The following RADIL variants were observed in gnomAD, a reference collection of about 807,000 sequenced individuals.
RADIL encodes ras-associating and dilute domain-containing protein.
Under a neutral mutation model 97.6 loss-of-function variants are expected in RADIL, and 99 were observed. That is an observed-to-expected ratio of 1.01 (90% CI 0.86 to 1.20). The LOEUF is 1.20. RADIL is among the 50% of genes most tolerant of loss of function. RADIL has a pLI of 0.00. For synonymous variants in RADIL, 803 were observed against 691.8 expected (o/e 1.16, Z -2.52); for missense variants, 1,765 against 1,498.9 (o/e 1.18, Z -2.93).
intron 2 of RADIL, chr7:4,860,706 A>T: frequency 6.2e-7 from 1 of 1,614,184 alleles, no homozygotes; most frequent in East Asian, 2.2e-5. Context: ...TACTTTTGAA[A>T]GAAGCTTGGA....
rs911850815 is a variant in RADIL at position 4,821,642 on chromosome 7, G to T, written c.1615+752C>A. The stretch of plus-strand genomic sequence containing the variant: ...CACTTTGGGAGGCTGAGGTGGGGCG[G>T]ATCAGGAGTTTGAGACCAGCCTGGC... On this transcript the variant is annotated intron_variant, in intron 6 of 14. Coordinates refer to ENST00000399583, the MANE Select transcript of RADIL (RefSeq NM_018059.5). This position sits in a 1 kb window ranked among gnomAD's most constrained non-coding sequence, Gnocchi z 5.2. Among the ~76,000 whole-genome samples the T allele has an allele frequency of 9.2e-5, 14 of 152,116 alleles. No individual in the cohort carries two copies. The highest frequency in any genetic ancestry group is 1.6e-4 in the Non-Finnish European group (11 of 68,028).
rs573141982 is a variant in RADIL, at chr7:4,879,706, G to A, written c.-64-1503C>T. Among the ~76,000 whole-genome samples, 2 of 152,274 alleles carry A rather than the reference G, an allele frequency of 1.3e-5. No individual in the cohort carries two copies. The highest frequency in any genetic ancestry group is 1.3e-4 in the Admixed American group (2 of 15,286). The stretch of plus-strand genomic sequence containing the variant: ...CGGTGGCTGCCTAGGGCCACAGAAA[G>A]CAACCAGGGAACCCCTCCAAAGAAA... On this transcript the variant is annotated intron_variant, in intron 1 of 14. Coordinates refer to ENST00000399583, the MANE Select transcript of RADIL (RefSeq NM_018059.5). The surrounding 1 kb of genome is among the most constrained non-coding windows in gnomAD (Gnocchi z 4.1).
chr7:4,825,971 G>A (rs144264747), intron 5 of RADIL, among the ~76,000 whole-genome samples: 5 of 151,714 alleles, frequency 3.3e-5, no homozygotes, highest in East Asian at 3.9e-4. Context: ...GGCCAGGTGC[G>A]GTAGCTCACA....
intron 9 of RADIL, chr7:4,809,523 G>A (rs1562430783): frequency 5.1e-6 from 5 of 985,428 alleles, no homozygotes; most frequent in African/African-American, 1.7e-5. Flanking sequence ...GAACGTGGGC[G>A]GCGGCTGCTC....
Position 4,878,066 on chromosome 7 carries a change from G to T in RADIL, c.74C>A (p.Ser25Tyr), listed in dbSNP as rs752647292. The change falls in exon 2 of 15, where the codon TCC becomes TAC. Residue 25 changes from serine (S) to tyrosine (Y), a missense_variant. Physicochemically the swap from Ser to Tyr is moderately radical, Grantham distance 144. Transcript: ENST00000399583. The surrounding 1 kb of genome is among the most constrained non-coding windows in gnomAD (Gnocchi z 4.1). ...SKLKRQSQLL[S>Y]SMLSRTLSYK... ...GCTCAGCGTCCGGGACAGCATGCTG[G>T]ACAACAGCTGGCTCTGCCGCTTCAG... is the stretch of plus-strand genomic sequence containing the variant. The T allele has an allele frequency of 1.9e-6, 3 of 1,600,302 alleles. No homozygotes were observed. Among genetic ancestry groups the T allele is most frequent in the South Asian group, 1.1e-5 (1 of 88,892 alleles).
At chr7:4,801,609 G>A (rs780391888) in intron 12 of RADIL, 44 bp downstream of exon 12, 39 of 1,541,764 alleles carry the variant, frequency 2.5e-5, no homozygotes, top group Admixed American at 6.0e-5. Context: ...GGTGCTGTGC[G>A]GGGTCTGGGG....
intron 13 of RADIL, 81 bp downstream of exon 13, chr7:4,800,090 G>C: frequency 3.4e-6 from 5 of 1,458,886 alleles, no homozygotes; most frequent in South Asian, 2.6e-5. Flanking sequence ...ACGTGGCCAC[G>C]CAAGCTGCGG....
At position 4,799,423 on chromosome 7, in the gene RADIL, G is replaced by A. The variant is rs544214231; in HGVS notation, c.3183C>T (p.Asp1061=). The change falls in exon 15 of 15, where the codon GAC becomes GAT. Residue 1061 remains aspartate (D), a synonymous_variant. Coordinates refer to ENST00000399583, the MANE Select transcript of RADIL (RefSeq NM_018059.5). The part of the protein sequence containing the change: ...KKMRFLVAKS[D]VETAKKIHFR... Reference sequence around the variant, plus strand: ...AATGGATCTTCTTGGCTGTTTCCACGTCGGACTTCGCGACCAGGAACCGCA... The same window carrying A: ...AATGGATCTTCTTGGCTGTTTCCACATCGGACTTCGCGACCAGGAACCGCA... 31 of 1,613,822 alleles carry A rather than the reference G, an allele frequency of 1.9e-5. No individual in the cohort carries two copies. In the East Asian group the frequency reaches 2.2e-4, roughly 12 times the overall value.
At chr7:4,823,839 C>T (rs771650206) in intron 5 of RADIL, among the ~76,000 whole-genome samples, 68 of 152,194 alleles carry the variant, frequency 4.5e-4, no homozygotes, top group Non-Finnish European at 5.3e-4. Context: ...GCTGAGGTGC[C>T]CGGGTAATTC....
At chr7:4,862,261 T>C (rs1181597790) in intron 2 of RADIL, among the ~76,000 whole-genome samples, 1 of 152,254 alleles carries the variant, frequency 6.6e-6, no homozygotes, top group African/African-American at 2.4e-5. Flanking sequence ...ACATCGCAGA[T>C]GTGCATCCTT....
chr7:4,869,975 A>C (rs578143149), intron 2 of RADIL, among the ~76,000 whole-genome samples: 1 of 152,324 alleles, frequency 6.6e-6, no homozygotes, highest in Admixed American at 6.5e-5. Flanking sequence ...TACCAAAAAA[A>C]ATAAAATAAA....
intron 9 of RADIL, chr7:4,808,546 A>G: frequency 1.0e-6 from 1 of 970,862 alleles, no homozygotes; most frequent in Non-Finnish European, 1.2e-6. Flanking sequence ...AAAACAAAGA[A>G]GGAGATGGGA....
chr7:4,816,625 G>A (rs529227300), intron 7 of RADIL, among the ~76,000 whole-genome samples, 160 bp from the exon 8 acceptor site: 80 of 152,196 alleles, frequency 5.3e-4, no homozygotes, highest in Non-Finnish European at 9.6e-4. Context: ...AATGTCCAGT[G>A]TGGGATGTGG....
chr7:4,815,383 C>G lies in RADIL; in HGVS notation c.2034G>C (p.Leu678=). 1 of 1,564,702 alleles carries G rather than the reference C, an allele frequency of 6.4e-7. No individual in the cohort carries two copies. Among genetic ancestry groups the G allele is most frequent in the Non-Finnish European group, 8.7e-7 (1 of 1,154,970 alleles). ...VQACARLQQL[L]EWMRSAGFGA... is the part of the protein sequence containing the mutation. Reference sequence around the variant, plus strand: ...CGAAGCCGGCGCTCCGCATCCACTCCAGGAGCTGCTGCAGGCGGGCGCAGG... The same window carrying G: ...CGAAGCCGGCGCTCCGCATCCACTCGAGGAGCTGCTGCAGGCGGGCGCAGG... Residue 678 remains leucine (L), a synonymous_variant, in exon 9 of 15, where the codon CTG becomes CTC. Transcript: ENST00000399583. The surrounding 1 kb of genome is among the most constrained non-coding windows in gnomAD (Gnocchi z 8.0).
Position 4,877,877 on chromosome 7 carries a change from C to G in RADIL, c.263G>C (p.Ser88Thr). 1 of 1,605,554 alleles carries G rather than the reference C, an allele frequency of 6.2e-7. No homozygotes were observed. ...YKSVLATGTSSARELVKEALE... is the reference protein window; with the variant it reads ...YKSVLATGTSTARELVKEALE... ...CGCCTCCTTCACCAGCTCACGGGCG[C>G]TGGAGGTGCCGGTGGCCAGGACGCT... The change falls in exon 2 of 15, where the codon AGC becomes ACC. Residue 88 changes from serine (S) to threonine (T), a missense_variant. Transcript: ENST00000399583.
chr7:4,822,482 C>T lies in RADIL; in HGVS notation c.1527G>A (p.Trp509Ter), dbSNP rs768081806. The T allele has an allele frequency of 6.2e-7, 1 of 1,613,028 alleles. No homozygotes were observed. Among genetic ancestry groups the T allele is most frequent in the East Asian group, 2.2e-5 (1 of 44,870 alleles). The change falls in exon 6 of 15, where the codon TGG becomes TGA. Residue 509 changes from tryptophan (W) to a stop codon, truncating the protein, a stop_gained. Transcript: ENST00000399583. LOFTEE classifies it high-confidence loss of function. This position sits in a 1 kb window ranked among gnomAD's most constrained non-coding sequence, Gnocchi z 5.3. ...LVPDLQPILF[W>*]MSNSIELLYF... The stretch of plus-strand genomic sequence containing the variant: ...ACAGGAGCTCGATGGAGTTAGACAT[C>T]CAGAAAAGAATGGGCTGCAAGTCTG...
chr7:4,800,960 G>A (rs1348701041), intron 12 of RADIL, among the ~76,000 whole-genome samples: 1 of 152,184 alleles, frequency 6.6e-6, no homozygotes, highest in Non-Finnish European at 1.5e-5. Context: ...GGAGGCCAGG[G>A]CCGGCTGGGG....
intron 2 of RADIL, chr7:4,862,120 G>C (rs1252168930): frequency 6.1e-6 from 2 of 326,818 alleles, no homozygotes; most frequent in African/African-American, 4.3e-5. Context: ...CTACCGCTGC[G>C]CGGGGGGCTA....
chr7:4,809,117 C>T (rs113085479), intron 9 of RADIL: 3 of 984,908 alleles, frequency 3.0e-6, no homozygotes, highest in African/African-American at 3.5e-5. Context: ...GGGCGCAGGA[C>T]AGGCGCTTCC....
Sources: allele counts gnomAD v4.1 joint callset (sites outside exome capture counted in the v4.1 genomes callset), GRCh38; gene constraint gnomAD v4.1.1; non-coding constraint Gnocchi (gnomAD v3.1); transcripts MANE v1.5; gene names NCBI Gene and HGNC (gene_info 2026-07-23, HGNC 2026-07-21).